The following CARS1 variants were observed in gnomAD, a reference collection of about 807,000 sequenced individuals.
CARS1 encodes the protein cysteinyl-tRNA synthetase 1, also known as cysteine--tRNA ligase, cytoplasmic.
Under a neutral mutation model 106.2 loss-of-function variants are expected in CARS1, and 48 were observed. That is an observed-to-expected ratio of 0.45 (90% CI 0.36 to 0.57). The LOEUF is 0.57. CARS1 is among the 20% of genes least tolerant of loss of function. CARS1 has a pLI of 0.00. For synonymous variants in CARS1, 409 were observed against 403.4 expected (o/e 1.01, Z -0.17); for missense variants, 968 against 1,057.2 (o/e 0.92, Z 1.17).
Position 3,037,675 on chromosome 11 carries a change from C to T in CARS1, c.801+375G>A, listed in dbSNP as rs1365817496. Among the ~76,000 whole-genome samples, 1 of 152,208 alleles carries T rather than the reference C, an allele frequency of 6.6e-6. No individual in the cohort carries two copies. The highest frequency in any genetic ancestry group is 1.9e-4 in the East Asian group (1 of 5,190). Reference sequence around the variant, plus strand: ...CTCAATGCTCAATTCAATGTTAATCCCTGCTCCTCCTTCTCCAGCTGGTGT... The same window carrying T: ...CTCAATGCTCAATTCAATGTTAATCTCTGCTCCTCCTTCTCCAGCTGGTGT... On this transcript the variant is annotated intron_variant, in intron 7 of 22. Coordinates refer to ENST00000380525, the MANE Select transcript of CARS1 (RefSeq NM_001014437.3). This position sits in a 1 kb window ranked among gnomAD's most constrained non-coding sequence, Gnocchi z 5.9.
chr11:3,007,770 GC>G (rs1850039753), intron 18 of CARS1: 4 of 152,210 alleles, frequency 2.6e-5, no homozygotes, highest in African/African-American at 9.7e-5. Flanking sequence ...GTGCAGACTT[GC>G]CCGGCATCCC....
At chr11:3,025,196 A>C (rs144009249) in intron 10 of CARS1, among the ~76,000 whole-genome samples, 248 of 152,138 alleles carry the variant, frequency 1.6e-3, no homozygotes, top group African/African-American at 5.4e-3. Flanking sequence ...GGCTATCTCT[A>C]TCTTTCTTCA....
At chr11:3,016,992 T>C in intron 16 of CARS1, 114 bp downstream of exon 16, 1 of 816,922 alleles carries the variant, frequency 1.2e-6, no homozygotes. Flanking sequence ...TCAGAGGTGC[T>C]GGGCACCAGG....
chr11:3,039,329 G>A lies in CARS1; in HGVS notation c.553-37C>T. ...AGGCAGACATTGGGGAGTGATGCTT[G>A]GATCCCACATGCATCCCTCTGCAGC... On this transcript the variant is annotated intron_variant, in intron 5 of 22. Transcript: ENST00000380525. This position sits in a 1 kb window ranked among gnomAD's most constrained non-coding sequence, Gnocchi z 5.6. The A allele has an allele frequency of 7.9e-7, 1 of 1,264,768 alleles. No homozygotes were observed. Among genetic ancestry groups the A allele is most frequent in the Non-Finnish European group, 1.2e-6 (1 of 862,132 alleles). The allele number at this position is 1,264,768 out of a possible 1,614,324, so 78.3% of individuals were successfully genotyped here. A position where few individuals can be genotyped will look rare whatever the true frequency, so the allele number is the denominator to read the frequency against.
intron 17 of CARS1, among the ~76,000 whole-genome samples, chr11:3,012,963 C>T (rs1850631662): frequency 6.9e-6 from 1 of 145,102 alleles, no homozygotes; most frequent in South Asian, 2.2e-4. Flanking sequence ...GATCTCGGCT[C>T]ACTGCAACCT....
rs377441763 is a variant in CARS1, at chr11:3,029,267, G to A, written c.942+36C>T. On this transcript the variant is annotated intron_variant, in intron 8 of 22. Coordinates refer to ENST00000380525, the MANE Select transcript of CARS1 (RefSeq NM_001014437.3). The surrounding 1 kb of genome is among the most constrained non-coding windows in gnomAD (Gnocchi z 5.9). ...GAATTTAGAAATCAGGGCCCTTAGC[G>A]CAAGAGAGCCAGCACAAGACAATCG... 3.7e-6 allele frequency: 6 copies of A among 1,607,002 alleles called. No individual in the cohort carries two copies. Among genetic ancestry groups the A allele is most frequent in the Middle Eastern group, 1.7e-4 (1 of 6,048 alleles).
chr11:3,027,179 C>T (rs1329046487), intron 9 of CARS1: 1 of 169,932 alleles, frequency 5.9e-6, no homozygotes, highest in African/African-American at 2.4e-5. Flanking sequence ...CTAGATTACT[C>T]CAGTCTGGAA....
intron 2 of CARS1, 144 bp from the exon 3 acceptor site, chr11:3,042,400 C>A: frequency 6.8e-6 from 4 of 590,420 alleles, no homozygotes; most frequent in East Asian, 2.9e-5. Context: ...GAATCTCGGT[C>A]AACATTACGC....
chr11:3,024,794 CT>C (rs1851894896), intron 10 of CARS1, among the ~76,000 whole-genome samples: 1 of 152,126 alleles, frequency 6.6e-6, no homozygotes, highest in African/African-American at 2.4e-5. Flanking sequence ...AGAATGAGGG[CT>C]CCTTGACAGA....
In CARS1 at chr11:3,037,379, C is replaced by T. The variant is rs528578476; in HGVS notation, c.801+671G>A. ...GCAGTGGTGAGGGAAGGCAGGGCTG[C>T]GGCCTCAGTGGGGCCTCTTTTTCTA... On this transcript the variant is annotated intron_variant, in intron 7 of 22. Coordinates refer to ENST00000380525, the MANE Select transcript of CARS1 (RefSeq NM_001014437.3). This position sits in a 1 kb window ranked among gnomAD's most constrained non-coding sequence, Gnocchi z 5.9. Among the ~76,000 whole-genome samples, 55 of 152,336 alleles carry T rather than the reference C, an allele frequency of 3.6e-4. No homozygotes were observed. Among genetic ancestry groups the T allele is most frequent in the South Asian group, 3.1e-3 (15 of 4,828 alleles).
At chr11:3,001,924 G>T in intron 22 of CARS1, 46 bp downstream of exon 22, 1 of 1,365,222 alleles carries the variant, frequency 7.3e-7, no homozygotes, top group Non-Finnish European at 1.0e-6. Flanking sequence ...CTTTAATGTG[G>T]TCTGATCAAG....
Position 3,040,254 on chromosome 11 carries a change from TTGAC to T in CARS1, c.456-327_456-324del, listed in dbSNP as rs1341077945. On this transcript the variant is annotated intron_variant, in intron 4 of 22. Coordinates refer to ENST00000380525, the MANE Select transcript of CARS1 (RefSeq NM_001014437.3). The surrounding 1 kb of genome is among the most constrained non-coding windows in gnomAD (Gnocchi z 5.8). Reference sequence around the variant, plus strand: ...AATGTATATACAAAATATGTGTTCATTGACTGGCATGCTATTGGTCAACAGGAGG... The same window carrying T: ...AATGTATATACAAAATATGTGTTCATTGGCATGCTATTGGTCAACAGGAGG... 6.6e-6 allele frequency among the ~76,000 whole-genome samples: 1 copy of T among 152,258 alleles called. No individual in the cohort carries two copies. Among genetic ancestry groups the T allele is most frequent in the African/African-American group, 2.4e-5 (1 of 41,466 alleles).
At chr11:3,014,645 T>C (rs1406423719) in intron 17 of CARS1, among the ~76,000 whole-genome samples, 2 of 150,912 alleles carry the variant, frequency 1.3e-5, no homozygotes, top group African/African-American at 4.9e-5. Context: ...ACAAAGAAGC[T>C]ATGTGGGTTT....
At position 3,026,670 on chromosome 11, in the gene CARS1, C is replaced by T. The variant is rs1852110914; in HGVS notation, c.1153+6G>A. On this transcript the variant is annotated splice_donor_region_variant and intron_variant, in intron 10 of 22. Coordinates refer to ENST00000380525, the MANE Select transcript of CARS1 (RefSeq NM_001014437.3). ...GCCCACATGCTCTCAGGCATGCCCT[C>T]CTCACCTTCCCCTTCTTGAAGGGCT... 3.7e-6 allele frequency: 6 copies of T among 1,613,528 alleles called. No homozygotes were observed. Among genetic ancestry groups the T allele is most frequent in the Non-Finnish European group, 5.1e-6 (6 of 1,179,848 alleles).
At chr11:3,012,355 C>T (rs1041498872) in intron 17 of CARS1, 79 bp from the exon 18 acceptor site, 51 of 1,256,086 alleles carry the variant, frequency 4.1e-5, no homozygotes, top group Non-Finnish European at 5.7e-5. Flanking sequence ...TCAGTGGCCG[C>T]GACACAGGGC....
rs377202281 is a variant in CARS1, at chr11:3,018,380, A to C, written c.1629+28T>G. On this transcript the variant is annotated intron_variant, in intron 14 of 22. Transcript: ENST00000380525. ...ACTGTGCAGGGGAGGCTGCTCCACC[A>C]ACCTCCAGGAAGGGGCTGGGGACTC... 87 of 1,529,432 alleles carry C rather than the reference A, an allele frequency of 5.7e-5. No homozygotes were observed. In the African/African-American group the frequency reaches 7.5e-4, roughly 13 times the overall value. The allele number at this position is 1,529,432 out of a possible 1,614,324, so 94.7% of individuals were successfully genotyped here.
In CARS1 at chr11:3,050,642, C is replaced by T. The variant is rs1021260853; in HGVS notation, c.26-2641G>A. Among the ~76,000 whole-genome samples, 1 of 152,214 alleles carries T rather than the reference C, an allele frequency of 6.6e-6. No individual in the cohort carries two copies. Among genetic ancestry groups the T allele is most frequent in the Admixed American group, 6.5e-5 (1 of 15,282 alleles). ...CACCTCGCCAGCAGCACAAGCCTGT[C>T]CTCATGCTGGCCATGGGCCCCCACC... is the stretch of plus-strand genomic sequence containing the variant. On this transcript the variant is annotated intron_variant, in intron 1 of 22. Coordinates refer to ENST00000380525, the MANE Select transcript of CARS1 (RefSeq NM_001014437.3). The surrounding 1 kb of genome is among the most constrained non-coding windows in gnomAD (Gnocchi z 6.3).
chr11:3,023,377 T>C (rs188263660), intron 10 of CARS1, among the ~76,000 whole-genome samples: 4 of 152,320 alleles, frequency 2.6e-5, no homozygotes, highest in Admixed American at 1.3e-4. Context: ...TGTCTTGTTA[T>C]TCAAACATAC....
chr11:3,021,367 G>T lies in CARS1; in HGVS notation c.1154-1035C>A, dbSNP rs1048883868. Reference sequence around the variant, plus strand: ...GCCTTTCCTGGTCCCTGGTCTAAGGGCTGCCTTAGGTGCTGTCACCCCCTT... The same window carrying T: ...GCCTTTCCTGGTCCCTGGTCTAAGGTCTGCCTTAGGTGCTGTCACCCCCTT... On this transcript the variant is annotated intron_variant, in intron 10 of 22. Coordinates refer to ENST00000380525, the MANE Select transcript of CARS1 (RefSeq NM_001014437.3). The surrounding 1 kb of genome is among the most constrained non-coding windows in gnomAD (Gnocchi z 5.3). Among the ~76,000 whole-genome samples the T allele has an allele frequency of 1.3e-5, 2 of 152,182 alleles. No homozygotes were observed. The highest frequency in any genetic ancestry group is 6.5e-5 in the Admixed American group (1 of 15,272).
Sources: allele counts gnomAD v4.1 joint callset (sites outside exome capture counted in the v4.1 genomes callset), GRCh38; gene constraint gnomAD v4.1.1; non-coding constraint Gnocchi (gnomAD v3.1); transcripts MANE v1.5; gene names NCBI Gene and HGNC (gene_info 2026-07-23, HGNC 2026-07-21).